CNOT2: variants seen among roughly 807,000 people sequenced by gnomAD.
CNOT2 encodes CCR4-NOT transcription complex subunit 2.
Under a neutral mutation model 72.1 loss-of-function variants are expected in CNOT2, and 7 were observed. The ratio of observed to expected loss-of-function variants is 0.10; its 90% CI spans 0.06 to 0.18. The LOEUF (loss-of-function observed/expected upper bound fraction) is 0.18. Ranked by LOEUF, CNOT2 falls within the 10% of genes least tolerant of loss-of-function variation. The pLI is 1.00. For synonymous variants in CNOT2, 196 were observed against 225.6 expected (o/e 0.87, Z 1.17); for missense variants, 345 against 660.3 (o/e 0.52, Z 5.23).
rs553360761 is a variant in CNOT2, at chr12:70,300,943, G to A, written c.49-9952G>A. On this transcript the variant is annotated intron_variant, in intron 2 of 15. Transcript: ENST00000229195. ...CTTGAAGAGGTCCTTCACATCCCTT[G>A]TAAGTTGGATTCCTAGGTATTTTAT... 2.6e-5 allele frequency among the ~76,000 whole-genome samples: 4 copies of A among 152,236 alleles called. No homozygotes were observed. In the South Asian group the frequency reaches 8.3e-4, roughly 32 times the overall value.
At chr12:70,279,887 A>C (rs11178168) in intron 2 of CNOT2, among the ~76,000 whole-genome samples, 39,785 of 152,044 alleles carry the variant, frequency 0.26, 6,278 homozygotes, top group East Asian at 0.68. Context: ...CCATTGTTTC[A>C]GTCATATTAT....
chr12:70,319,190 A>G, intron 3 of CNOT2, 108 bp from the exon 4 acceptor site: 1 of 856,986 alleles, frequency 1.2e-6, no homozygotes, highest in Middle Eastern at 3.2e-4. Flanking sequence ...GAAGAATGAG[A>G]AAATGTTAGA....
At chr12:70,337,737 A>T in intron 9 of CNOT2, 1 of 564,588 alleles carries the variant, frequency 1.8e-6, no homozygotes, top group South Asian at 1.5e-5. Flanking sequence ...CTCAGAGTTA[A>T]TTTAGACTTT....
Position 70,294,674 on chromosome 12 carries a change from A to G in CNOT2, c.49-16221A>G, listed in dbSNP as rs1422234247. Among the ~76,000 whole-genome samples the G allele has an allele frequency of 2.6e-5, 4 of 152,268 alleles. No homozygotes were observed. The East Asian group carries it at 7.7e-4, about 29-fold the overall frequency. On this transcript the variant is annotated intron_variant, in intron 2 of 15. Transcript: ENST00000229195. ...ATAGACTATAATTTTGCCATATGTA[A>G]CTTGGTCTCAGGAGGAGGCAAGTTT...
At chr12:70,324,487 G>A (rs1878771519) in intron 4 of CNOT2, among the ~76,000 whole-genome samples, 1 of 151,716 alleles carries the variant, frequency 6.6e-6, no homozygotes, top group Admixed American at 6.6e-5. Context: ...TGATGTAGGA[G>A]TGAAAGAAAG....
At chr12:70,266,676 T>C (rs1959061040) in intron 1 of CNOT2, among the ~76,000 whole-genome samples, 1 of 152,176 alleles carries the variant, frequency 6.6e-6, no homozygotes, top group Non-Finnish European at 1.5e-5. Flanking sequence ...AGTTGGCCTT[T>C]TTATCATTAT....
At chr12:70,294,941 C>CGT (rs140897323) in intron 2 of CNOT2, among the ~76,000 whole-genome samples, 61 of 151,502 alleles carry the variant, frequency 4.0e-4, no homozygotes, top group South Asian at 1.0e-3. Flanking sequence ...GATCCTGTGT[C>CGT]GTGTGTGTGT....
At chr12:70,270,456 TTAGAG>T (rs1187268820) in intron 1 of CNOT2, among the ~76,000 whole-genome samples, 16 of 152,174 alleles carry the variant, frequency 1.1e-4, no homozygotes, top group Non-Finnish European at 1.8e-4. Flanking sequence ...ACCACTGTTC[TTAGAG>T]TAGACTCATA....
chr12:70,312,980 C>A (rs1329432345), intron 3 of CNOT2, among the ~76,000 whole-genome samples: 1 of 151,802 alleles, frequency 6.6e-6, no homozygotes, highest in Non-Finnish European at 1.5e-5. Flanking sequence ...TTATTTAAAT[C>A]TTCTAGGTCA....
intron 1 of CNOT2, among the ~76,000 whole-genome samples, chr12:70,276,853 A>G (rs920231124): frequency 3.3e-5 from 5 of 152,062 alleles, no homozygotes; most frequent in Non-Finnish European, 5.9e-5. Flanking sequence ...TTAAGTAAAA[A>G]TACAACTCCC....
intron 2 of CNOT2, among the ~76,000 whole-genome samples, chr12:70,298,489 T>C (rs192166226): frequency 3.9e-5 from 6 of 152,342 alleles, no homozygotes; most frequent in African/African-American, 1.4e-4. Flanking sequence ...ACTTCTCTGG[T>C]CCTTAGCTAC....
chr12:70,293,397 G>A lies in CNOT2; in HGVS notation c.48+15123G>A, dbSNP rs546718991. 2.0e-5 allele frequency among the ~76,000 whole-genome samples: 3 copies of A among 152,230 alleles called. No individual in the cohort carries two copies. In the East Asian group the frequency reaches 5.8e-4, roughly 29 times the overall value. ...TGGTCTCAAACTCCCGACCTCAGGTGATCTGCCCGCCTCAGCCTCCCAAAG... is the reference window on the plus strand; with the variant it reads ...TGGTCTCAAACTCCCGACCTCAGGTAATCTGCCCGCCTCAGCCTCCCAAAG... On this transcript the variant is annotated intron_variant, in intron 2 of 15. Transcript: ENST00000229195.
At chr12:70,261,476 A>C (rs1565738310) in intron 1 of CNOT2, among the ~76,000 whole-genome samples, 1 of 150,668 alleles carries the variant, frequency 6.6e-6, no homozygotes, top group Non-Finnish European at 1.5e-5. Flanking sequence ...CACCATGCCC[A>C]GCTAATTTTT....
At chr12:70,300,190 G>A (rs144077262) in intron 2 of CNOT2, among the ~76,000 whole-genome samples, 2,037 of 152,222 alleles carry the variant, frequency 0.013, 44 homozygotes, top group African/African-American at 0.046. Flanking sequence ...TCTGATGGTC[G>A]TTTCTTTTGC....
intron 1 of CNOT2, among the ~76,000 whole-genome samples, chr12:70,252,699 C>T (rs1283286482): frequency 6.6e-6 from 1 of 152,116 alleles, no homozygotes; most frequent in Non-Finnish European, 1.5e-5. Context: ...CACCGTTGTA[C>T]TGTTTTCAAT....
chr12:70,304,507 C>T (rs1443527779), intron 2 of CNOT2, among the ~76,000 whole-genome samples: 1 of 152,196 alleles, frequency 6.6e-6, no homozygotes, highest in Non-Finnish European at 1.5e-5. Context: ...GCGGTGGCTG[C>T]AGAAGAGCAG....
intron 2 of CNOT2, chr12:70,285,578 T>C (rs1319344084): frequency 6.6e-6 from 1 of 151,920 alleles, no homozygotes; most frequent in African/African-American, 2.4e-5. Context: ...ATAGCACTGA[T>C]GGTGGCAGGT....
chr12:70,318,326 A>G (rs1226223273), intron 3 of CNOT2, among the ~76,000 whole-genome samples: 1 of 151,942 alleles, frequency 6.6e-6, no homozygotes, highest in Non-Finnish European at 1.5e-5. Context: ...TTTCATAGTT[A>G]TCCTATCACC....
chr12:70,269,415 G>A (rs1375348305), intron 1 of CNOT2, among the ~76,000 whole-genome samples: 1 of 151,690 alleles, frequency 6.6e-6, no homozygotes, highest in African/African-American at 2.4e-5. Flanking sequence ...TGGCTCTCTG[G>A]TGAAGAATGT....
Sources: gnomAD v4.1 joint callset for allele counts (sites outside exome capture counted in the v4.1 genomes callset) on GRCh38, gnomAD v4.1.1 for gene constraint, MANE v1.5 for transcripts, NCBI Gene and HGNC (gene_info 2026-07-23, HGNC 2026-07-21) for gene names.